Variants in CDH10 observed in about 807,000 individuals in gnomAD.
CDH10 encodes cadherin-10.
In CDH10, 30 loss-of-function variants were observed where a neutral mutation model predicts 73.1. That is an observed-to-expected ratio of 0.41 (90% CI 0.31 to 0.56). The LOEUF (loss-of-function observed/expected upper bound fraction) is 0.56, where lower values mean the gene tolerates loss of function less well. CDH10 is among the 20% of genes least tolerant of loss of function. The pLI is 0.27. For missense variants in CDH10, 815 were observed against 973.7 expected (o/e 0.84, Z 2.17); for synonymous variants, 345 against 348.2 (o/e 0.99, Z 0.10).
At chr5:24,521,911 G>A (rs1454458714) in intron 5 of CDH10, among the ~76,000 whole-genome samples, 6 of 152,136 alleles carry the variant, frequency 3.9e-5, no homozygotes, top group Admixed American at 1.3e-4. Flanking sequence ...TGAGGTGGGC[G>A]GATCACAAGG....
chr5:24,628,112 T>C (rs913630080), intron 1 of CDH10, among the ~76,000 whole-genome samples: 5 of 152,126 alleles, frequency 3.3e-5, no homozygotes, highest in African/African-American at 7.2e-5. Flanking sequence ...ACCACAGAGT[T>C]TGAAATAAAT....
intron 9 of CDH10, among the ~76,000 whole-genome samples, chr5:24,498,112 T>A (rs753275798): frequency 2.6e-5 from 4 of 152,202 alleles, no homozygotes; most frequent in Non-Finnish European, 5.9e-5. Context: ...CTTGTCTTTG[T>A]TTTTGAAAAT....
At chr5:24,632,597 C>T (rs1747740931) in intron 1 of CDH10, among the ~76,000 whole-genome samples, 1 of 151,972 alleles carries the variant, frequency 6.6e-6, no homozygotes, top group Non-Finnish European at 1.5e-5. Flanking sequence ...GCTCTGACCA[C>T]TTGTTCTATA....
intron 1 of CDH10, among the ~76,000 whole-genome samples, chr5:24,623,700 G>A (rs901937527): frequency 2.0e-5 from 3 of 152,130 alleles, no homozygotes; most frequent in Non-Finnish European, 4.4e-5. Context: ...CTCTTACCTT[G>A]CAGAAAAGGA....
intron 1 of CDH10, among the ~76,000 whole-genome samples, chr5:24,636,392 A>C (rs1476581262): frequency 6.6e-6 from 1 of 151,978 alleles, no homozygotes; most frequent in African/African-American, 2.4e-5. Context: ...TTTCTAAGAA[A>C]GGAAATCTCA....
chr5:24,492,482 T>C (rs1282459003), intron 10 of CDH10, among the ~76,000 whole-genome samples: 4 of 152,194 alleles, frequency 2.6e-5, no homozygotes, highest in Non-Finnish European at 1.5e-5. Flanking sequence ...CTCACTGAAG[T>C]CTGCTTAAGA....
chr5:24,627,001 G>A (rs1023297901), intron 1 of CDH10, among the ~76,000 whole-genome samples: 3 of 151,562 alleles, frequency 2.0e-5, no homozygotes, highest in East Asian at 3.9e-4. Context: ...TCCTCTAGAT[G>A]CAGACATGCA....
intron 8 of CDH10, among the ~76,000 whole-genome samples, chr5:24,504,588 C>T (rs1037846937): frequency 5.6e-4 from 75 of 135,048 alleles, no homozygotes; most frequent in African/African-American, 1.7e-3. Context: ...TGCAGTGGCG[C>T]GATCTCGGCT....
Position 24,487,875 on chromosome 5 carries a change from T to C in CDH10, c.2155A>G (p.Lys719Glu). 4 of 1,613,964 alleles carry C rather than the reference T, an allele frequency of 2.5e-6. No homozygotes were observed. The highest frequency in any genetic ancestry group is 3.4e-6 in the Non-Finnish European group (4 of 1,179,964). ...DVRDFINERL[K>E]EHDLDPTAPP... ...GCGGTGGGGTCAAGATCATGCTCTT[T>C]TAGCCTTTCATTAATGAAATCCCGG... Residue 719 changes from lysine to glutamate, a missense_variant, in exon 12 of 12, where the codon AAA (lysine) becomes GAA (glutamate). Physicochemically the swap from Lys to Glu is moderately conservative, Grantham distance 56 (BLOSUM62 1). Transcript: ENST00000264463.
chr5:24,547,727 C>G (rs1442309740), intron 2 of CDH10, among the ~76,000 whole-genome samples: 3 of 152,086 alleles, frequency 2.0e-5, no homozygotes, highest in Non-Finnish European at 4.4e-5. Context: ...GGAAGTCCTC[C>G]AGAGATTATG....
At chr5:24,561,955 T>C (rs1744972273) in intron 2 of CDH10, among the ~76,000 whole-genome samples, 1 of 151,994 alleles carries the variant, frequency 6.6e-6, no homozygotes, top group Admixed American at 6.6e-5. Flanking sequence ...AAAAAACATA[T>C]GTGATCAAGA....
At chr5:24,590,790 G>A (rs1051592208) in intron 2 of CDH10, among the ~76,000 whole-genome samples, 2 of 152,010 alleles carry the variant, frequency 1.3e-5, no homozygotes, top group Admixed American at 6.6e-5. Flanking sequence ...TAGTGGGAGA[G>A]TGCTTTGTGA....
At chr5:24,639,445 A>T (rs1455247052) in intron 1 of CDH10, among the ~76,000 whole-genome samples, 2 of 151,738 alleles carry the variant, frequency 1.3e-5, no homozygotes, top group Non-Finnish European at 3.0e-5. Flanking sequence ...TTGAATTTCA[A>T]CTTTAATTCT....
chr5:24,512,702 AT>A (rs763675796), intron 5 of CDH10, among the ~76,000 whole-genome samples: 46 of 152,300 alleles, frequency 3.0e-4, no homozygotes, highest in Non-Finnish European at 2.2e-4. Context: ...TCTACTGCTA[AT>A]GAGATTTATG....
At chr5:24,565,450 T>C (rs1178967162) in intron 2 of CDH10, among the ~76,000 whole-genome samples, 3 of 152,212 alleles carry the variant, frequency 2.0e-5, no homozygotes, top group East Asian at 3.9e-4. Context: ...CAGGATAATA[T>C]GTAAAATCTC....
At chr5:24,490,057 G>T (rs1029985703) in intron 11 of CDH10, among the ~76,000 whole-genome samples, 4 of 152,166 alleles carry the variant, frequency 2.6e-5, no homozygotes, top group African/African-American at 7.2e-5. Flanking sequence ...AAGTGAAAAA[G>T]GTTGTCATGG....
intron 8 of CDH10, among the ~76,000 whole-genome samples, chr5:24,503,067 A>G (rs922270706): frequency 7.2e-5 from 11 of 152,182 alleles, no homozygotes; most frequent in African/African-American, 2.4e-4. Flanking sequence ...TGTAAGAAAG[A>G]CGCTAAATCT....
Position 24,556,847 on chromosome 5 carries a change from A to G in CDH10, c.232-19173T>C, listed in dbSNP as rs890724998. ...TAATTGAGCATAATTTATTCTTCAT[A>G]ATTCTGTGATATTATTACACATTCA... On this transcript the variant is annotated intron_variant, in intron 2 of 11. Coordinates refer to ENST00000264463, the MANE Select transcript of CDH10 (RefSeq NM_006727.5). Among the ~76,000 whole-genome samples, 11 of 152,012 alleles carry G rather than the reference A, an allele frequency of 7.2e-5. No individual in the cohort carries two copies. The East Asian group carries it at 1.9e-3, about 27-fold the overall frequency.
At chr5:24,514,679 A>C (rs1743045211) in intron 5 of CDH10, among the ~76,000 whole-genome samples, 2 of 152,152 alleles carry the variant, frequency 1.3e-5, no homozygotes, top group Admixed American at 1.3e-4. Context: ...TTAAGTGTTT[A>C]ATTTCATTTG....
Sources: allele counts gnomAD v4.1 joint callset (sites outside exome capture counted in the v4.1 genomes callset), GRCh38; gene constraint gnomAD v4.1.1; transcripts MANE v1.5; gene names NCBI Gene and HGNC (gene_info 2026-07-23, HGNC 2026-07-21).